Variants in HTR1E observed in about 807,000 individuals in gnomAD.
HTR1E encodes 5-HT-1E.
HTR1E carries 3 observed loss-of-function variants against 3.4 expected under a neutral mutation model. The observed-to-expected ratio is 0.89, with a 90% CI of 0.41 to 2.31. HTR1E has a LOEUF of 2.31. Among genes scored for constraint, HTR1E ranks in the 30% most tolerant of loss-of-function variants. HTR1E has a pLI of 0.05. For synonymous variants in HTR1E, 170 were observed against 182.8 expected (o/e 0.93, Z 0.56); for missense variants, 392 against 467.0 (o/e 0.84, Z 1.48).
intron 1 of HTR1E, among the ~76,000 whole-genome samples, chr6:86,989,713 G>A (rs1767845971): frequency 6.6e-6 from 1 of 152,144 alleles, no homozygotes; most frequent in Admixed American, 6.6e-5. Context: ...CCAAAAGATG[G>A]TCAGAAATAA....
intron 1 of HTR1E, among the ~76,000 whole-genome samples, chr6:86,976,439 A>T (rs2127824308): frequency 6.6e-6 from 1 of 152,320 alleles, no homozygotes; most frequent in East Asian, 1.9e-4. Context: ...TAAGCAAGTA[A>T]TGGAGAAACT....
intron 1 of HTR1E, among the ~76,000 whole-genome samples, chr6:86,939,792 G>A (rs1768520257): frequency 6.6e-6 from 1 of 152,054 alleles, no homozygotes; most frequent in Admixed American, 6.6e-5. Flanking sequence ...TTCATTCAAG[G>A]CCTAGTCCCA....
intron 1 of HTR1E, among the ~76,000 whole-genome samples, chr6:87,009,959 C>A (rs1489298196): frequency 1.6e-5 from 2 of 122,758 alleles, no homozygotes; most frequent in African/African-American, 6.7e-5. Context: ...TAGGGGCGGC[C>A]GGGCAGAGGC....
rs1768319895 is a variant in HTR1E at position 87,016,066 on chromosome 6, GTCTGACTTCTCCACC to G, written c.735_749del (p.Phe247_Asp251del). The G allele has an allele frequency of 1.2e-6, 2 of 1,614,170 alleles. No homozygotes were observed. Among genetic ancestry groups the G allele is most frequent in the Non-Finnish European group, 1.7e-6 (2 of 1,180,030 alleles). On this transcript the variant is annotated inframe_deletion, in exon 2 of 2. Coordinates refer to ENST00000305344, the MANE Select transcript of HTR1E (RefSeq NM_000865.3). ...GTAAACTTACACAGACTTTCTGTGT[GTCTGACTTCTCCACC>G]TCAGACCCTACCACAGAGTTTGAAA...
At chr6:86,992,909 C>G (rs1186185810) in intron 1 of HTR1E, among the ~76,000 whole-genome samples, 1 of 152,162 alleles carries the variant, frequency 6.6e-6, no homozygotes, top group East Asian at 1.9e-4. Context: ...ACTCATATCA[C>G]CATTCAATGC....
At chr6:86,959,927 G>A (rs1767381911) in intron 1 of HTR1E, among the ~76,000 whole-genome samples, 1 of 152,086 alleles carries the variant, frequency 6.6e-6, no homozygotes, top group Non-Finnish European at 1.5e-5. Context: ...CTCTTCCTTA[G>A]TGCCACTATA....
At chr6:86,943,943 C>A (rs1204195070) in intron 1 of HTR1E, among the ~76,000 whole-genome samples, 1 of 152,156 alleles carries the variant, frequency 6.6e-6, no homozygotes, top group Non-Finnish European at 1.5e-5. Context: ...TCACAGGCTG[C>A]AAAGTTTCAG....
At chr6:86,995,085 A>G (rs1406121090) in intron 1 of HTR1E, among the ~76,000 whole-genome samples, 1 of 152,092 alleles carries the variant, frequency 6.6e-6, no homozygotes, top group Non-Finnish European at 1.5e-5. Flanking sequence ...AACAGTGAAA[A>G]CAAATGAAAA....
In HTR1E at chr6:87,016,146, A is replaced by G; in HGVS notation, c.812A>G (p.Asp271Gly). Residue 271 changes from aspartate to glycine, a missense_variant, in exon 2 of 2, where the codon GAT (aspartate) becomes GGT (glycine). Physicochemically the swap from Asp to Gly is moderately conservative, Grantham distance 94. Around this residue, in one of 3 missense-constraint regions of HTR1E, gnomAD observed 178 missense variants for 164.9 expected, o/e 1.08. Transcript: ENST00000305344. ...ATCAGGATCCCCCCCTTCGACAATG[A>G]TCTAGATCACCCAGGAGAACGTCAG... Reference protein sequence around the residue: ...ASIRIPPFDNDLDHPGERQQI... With the variant: ...ASIRIPPFDNGLDHPGERQQI... The G allele has an allele frequency of 6.2e-7, 1 of 1,614,096 alleles. No individual in the cohort carries two copies. Among genetic ancestry groups the G allele is most frequent in the Non-Finnish European group, 8.5e-7 (1 of 1,180,034 alleles).
chr6:86,967,743 G>A (rs927180429), intron 1 of HTR1E, among the ~76,000 whole-genome samples: 1 of 152,092 alleles, frequency 6.6e-6, no homozygotes, highest in Non-Finnish European at 1.5e-5. Context: ...GTTATTTCTT[G>A]TGTTCAGTGT....
chr6:86,950,396 T>C (rs1220545862), intron 1 of HTR1E, among the ~76,000 whole-genome samples: 1 of 152,022 alleles, frequency 6.6e-6, no homozygotes, highest in Non-Finnish European at 1.5e-5. Flanking sequence ...GGAATGACAG[T>C]GTGGTGGGAA....
rs559760514 is a variant in HTR1E, at chr6:87,011,921, G to A, written c.-185-3229G>A. Reference sequence around the variant, plus strand: ...CCAATGGTCTACATACCTTTCCCGCGCAAAATGGAGGAACAGAAAAGATCC... The same window carrying A: ...CCAATGGTCTACATACCTTTCCCGCACAAAATGGAGGAACAGAAAAGATCC... On this transcript the variant is annotated intron_variant, in intron 1 of 1. Coordinates refer to ENST00000305344, the MANE Select transcript of HTR1E (RefSeq NM_000865.3). Among the ~76,000 whole-genome samples the A allele has an allele frequency of 2.3e-3, 349 of 152,288 alleles. 1 individual carries two copies. The highest frequency in any genetic ancestry group is 3.8e-3 in the Non-Finnish European group (256 of 68,018).
In HTR1E at chr6:87,015,724, C is replaced by T. The variant is rs41273269; in HGVS notation, c.390C>T (p.Tyr130=). 30,770 of 1,611,424 alleles carry T rather than the reference C, an allele frequency of 0.019. 364 individuals carry two copies. Among genetic ancestry groups the T allele is most frequent in the Non-Finnish European group, 0.023 (26,766 of 1,178,396 alleles). ...GGGCCATCACCAATGCTATTGAATACGCCAGGAAGAGGACGGCCAAGAGGG... is the reference window on the plus strand; with the variant it reads ...GGGCCATCACCAATGCTATTGAATATGCCAGGAAGAGGACGGCCAAGAGGG... The part of the protein sequence containing the change: ...RYWAITNAIE[Y]ARKRTAKRAA... Residue 130 remains tyrosine (Y), a synonymous_variant, in exon 2 of 2, where the codon TAC becomes TAT. Coordinates refer to ENST00000305344, the MANE Select transcript of HTR1E (RefSeq NM_000865.3).
chr6:86,989,466 G>A (rs1767843598), intron 1 of HTR1E, among the ~76,000 whole-genome samples: 2 of 152,182 alleles, frequency 1.3e-5, no homozygotes, highest in South Asian at 4.1e-4. Context: ...AGTGCCTTAG[G>A]AATCAAATAA....
chr6:86,937,855 G>C (rs1168671904), intron 1 of HTR1E, 32 bp downstream of exon 1: 2 of 152,824 alleles, frequency 1.3e-5, no homozygotes, highest in African/African-American at 2.4e-5. Flanking sequence ...GGACGACCTT[G>C]GCTTCCCTTC....
chr6:86,994,812 T>TCTC (rs150354716), intron 1 of HTR1E, among the ~76,000 whole-genome samples: 10,495 of 152,176 alleles, frequency 0.069, 487 homozygotes, highest in Middle Eastern at 0.12. Flanking sequence ...GTAGAGGAAA[T>TCTC]ATTTAAGATA....
At chr6:86,947,245 G>A (rs1278598284) in intron 1 of HTR1E, among the ~76,000 whole-genome samples, 1 of 151,966 alleles carries the variant, frequency 6.6e-6, no homozygotes, top group Non-Finnish European at 1.5e-5. Context: ...TTCTGGCATT[G>A]TAGCAACACC....
intron 1 of HTR1E, among the ~76,000 whole-genome samples, chr6:86,978,652 C>T (rs1767671115): frequency 6.6e-6 from 1 of 152,082 alleles, no homozygotes; most frequent in Non-Finnish European, 1.5e-5. Context: ...CCAGAAATAT[C>T]CTAATTGATC....
chr6:87,015,083 T>C, intron 1 of HTR1E, 67 bp from the exon 2 acceptor site: 1 of 313,046 alleles, frequency 3.2e-6, no homozygotes, highest in Admixed American at 4.9e-5. Context: ...AATATCAAAC[T>C]ATTTTCATGT....
Sources: gnomAD v4.1 joint callset for allele counts (sites outside exome capture counted in the v4.1 genomes callset) on GRCh38, gnomAD v4.1.1 for gene constraint, gnomAD v4.1.1 regional missense constraint, MANE v1.5 for transcripts, NCBI Gene and HGNC (gene_info 2026-07-23, HGNC 2026-07-21) for gene names.